The following ENOX1 variants were observed in gnomAD, a reference collection of about 807,000 sequenced individuals.
ENOX1 encodes the protein ecto-NOX disulfide-thiol exchanger 1, also known as candidate growth-related and time keeping constitutive hydroquinone (NADH) oxidase.
In ENOX1, 42 loss-of-function variants were observed where a neutral mutation model predicts 82.5. The ratio of observed to expected loss-of-function variants is 0.51; its 90% CI spans 0.40 to 0.66. The LOEUF (loss-of-function observed/expected upper bound fraction) is 0.66, where lower values mean the gene tolerates loss of function less well. ENOX1 is among the 30% of genes least tolerant of loss of function. The pLI is 0.00. For synonymous variants in ENOX1, 271 were observed against 282.2 expected (o/e 0.96, Z 0.40); for missense variants, 608 against 811.6 (o/e 0.75, Z 3.05).
intron 1 of ENOX1, among the ~76,000 whole-genome samples, chr13:43,673,294 G>C (rs748253228): frequency 2.4e-4 from 36 of 152,064 alleles, no homozygotes; most frequent in Admixed American, 8.5e-4. Flanking sequence ...GATTGATGGA[G>C]GACCCCTTAC....
chr13:43,705,716 T>A (rs1428242297), intron 1 of ENOX1, among the ~76,000 whole-genome samples: 2 of 152,012 alleles, frequency 1.3e-5, no homozygotes, highest in African/African-American at 4.8e-5. Context: ...ATTCACATAG[T>A]TGGAGATTTT....
In ENOX1 at chr13:43,703,869, T is replaced by A. The variant is rs565420557; in HGVS notation, c.-284-36325A>T. Among the ~76,000 whole-genome samples the A allele has an allele frequency of 9.2e-3, 1,397 of 152,064 alleles. 20 individuals are homozygous for A. The highest frequency in any genetic ancestry group is 0.031 in the African/African-American group (1,294 of 41,516). On this transcript the variant is annotated intron_variant, in intron 1 of 16. Coordinates refer to ENST00000690772, the MANE Select transcript of ENOX1 (RefSeq NM_001347969.2). ...TATGTACATTATATATATATTTTTT[T>A]AAAAAACAGCTTTTTGCAATTTATA...
intron 1 of ENOX1, among the ~76,000 whole-genome samples, chr13:43,689,393 A>C (rs1366038874): frequency 2.6e-5 from 4 of 152,234 alleles, no homozygotes; most frequent in Non-Finnish European, 5.9e-5. Context: ...ACAAAACAAA[A>C]ATAAAACGAG....
chr13:43,450,369 G>C (rs1288858676), intron 3 of ENOX1, among the ~76,000 whole-genome samples: 1 of 152,190 alleles, frequency 6.6e-6, no homozygotes, highest in Non-Finnish European at 1.5e-5. Flanking sequence ...AAATGTACCT[G>C]GGGTTTTGGT....
chr13:43,394,253 G>C (rs2052992881), intron 5 of ENOX1, among the ~76,000 whole-genome samples: 1 of 152,154 alleles, frequency 6.6e-6, no homozygotes. Context: ...GAAAAATGAA[G>C]TCTCCTCTTG....
intron 2 of ENOX1, among the ~76,000 whole-genome samples, chr13:43,638,083 G>A (rs2083480779): frequency 6.6e-6 from 1 of 152,158 alleles, no homozygotes; most frequent in Non-Finnish European, 1.5e-5. Context: ...AGAGGATATG[G>A]ACTAGAAAAT....
At chr13:43,264,113 T>C (rs1458581034) in intron 14 of ENOX1, among the ~76,000 whole-genome samples, 1 of 152,220 alleles carries the variant, frequency 6.6e-6, no homozygotes, top group African/African-American at 2.4e-5. Flanking sequence ...TGTAACACCT[T>C]AAGGTTTTCC....
chr13:43,762,130 T>C (rs1229615364), intron 1 of ENOX1, among the ~76,000 whole-genome samples: 2 of 152,090 alleles, frequency 1.3e-5, no homozygotes, highest in Middle Eastern at 3.2e-3. Context: ...AACATCTCGA[T>C]TAAGCGGGAA....
intron 15 of ENOX1, among the ~76,000 whole-genome samples, chr13:43,230,311 GGA>G (rs2042222000): frequency 6.6e-6 from 1 of 152,122 alleles, no homozygotes; most frequent in African/African-American, 2.4e-5. Context: ...GGAGGAGGCT[GGA>G]GAGAGAGGGG....
intron 3 of ENOX1, among the ~76,000 whole-genome samples, chr13:43,427,514 T>G (rs1199962894): frequency 6.6e-6 from 1 of 152,206 alleles, no homozygotes; most frequent in African/African-American, 2.4e-5. Context: ...AGAGTCAGAC[T>G]AGAAGGTTCC....
Position 43,591,469 on chromosome 13 carries a change from GAC to G in ENOX1, c.-219+76008_-219+76009del, listed in dbSNP as rs148199592. 3.1e-3 allele frequency among the ~76,000 whole-genome samples: 468 copies of G among 152,124 alleles called. 2 individuals carry two copies. Among genetic ancestry groups the G allele is most frequent in the Middle Eastern group, 0.017 (5 of 294 alleles). On this transcript the variant is annotated intron_variant, in intron 2 of 16. Transcript: ENST00000690772. ...TCACACATGTAGAATACAACCATAAGACAACATAAAAGGCACAGAAAGGAGGT... is the reference window on the plus strand; with the variant it reads ...TCACACATGTAGAATACAACCATAAGAACATAAAAGGCACAGAAAGGAGGT...
In ENOX1 at chr13:43,327,945, T is replaced by C. The variant is rs372677152; in HGVS notation, c.1037-1420A>G. On this transcript the variant is annotated intron_variant, in intron 9 of 16. Coordinates refer to ENST00000690772, the MANE Select transcript of ENOX1 (RefSeq NM_001347969.2). ...TTTGCTATTAATATTTTTACTATTT[T>C]CCACTTCAGGAGAATCCCAACCCCA... Among the ~76,000 whole-genome samples the C allele has an allele frequency of 2.0e-5, 3 of 152,342 alleles. No individual in the cohort carries two copies. The East Asian group carries it at 5.8e-4, about 29-fold the overall frequency.
At chr13:43,552,347 A>G (rs1283343328) in intron 2 of ENOX1, among the ~76,000 whole-genome samples, 22 of 100,822 alleles carry the variant, frequency 2.2e-4, no homozygotes, top group South Asian at 5.0e-4. Flanking sequence ...GCTCTTAACT[A>G]AAAAAAAAAA....
At chr13:43,617,788 A>G (rs965007300) in intron 2 of ENOX1, among the ~76,000 whole-genome samples, 7 of 152,216 alleles carry the variant, frequency 4.6e-5, no homozygotes, top group Non-Finnish European at 7.3e-5. Flanking sequence ...TAGTTCTTTA[A>G]GGAATCTCCA....
chr13:43,395,649 A>G (rs2153585142), intron 5 of ENOX1, among the ~76,000 whole-genome samples: 1 of 152,352 alleles, frequency 6.6e-6, no homozygotes, highest in East Asian at 1.9e-4. Context: ...ACATATCACA[A>G]TAAATTCTTA....
chr13:43,348,069 G>A (rs1362974585), intron 8 of ENOX1, among the ~76,000 whole-genome samples: 1 of 152,156 alleles, frequency 6.6e-6, no homozygotes, highest in Non-Finnish European at 1.5e-5. Context: ...AAACAGCACG[G>A]CGTGCCTCCC....
At chr13:43,590,158 A>T (rs2081180594) in intron 2 of ENOX1, among the ~76,000 whole-genome samples, 1 of 152,164 alleles carries the variant, frequency 6.6e-6, no homozygotes, top group Non-Finnish European at 1.5e-5. Flanking sequence ...CAAAAAAATA[A>T]CAAAACAGAT....
chr13:43,394,066 G>A (rs1378701355), intron 5 of ENOX1, among the ~76,000 whole-genome samples: 1 of 152,196 alleles, frequency 6.6e-6, no homozygotes, highest in Non-Finnish European at 1.5e-5. Context: ...CACAAGCCTA[G>A]AAGATGCAGG....
chr13:43,626,790 T>G (rs1198215336), intron 2 of ENOX1, among the ~76,000 whole-genome samples: 1 of 151,910 alleles, frequency 6.6e-6, no homozygotes, highest in Non-Finnish European at 1.5e-5. Flanking sequence ...GTTTTATAAA[T>G]GTAAATTTGA....
Sources: gnomAD v4.1 joint callset for allele counts (sites outside exome capture counted in the v4.1 genomes callset) on GRCh38, gnomAD v4.1.1 for gene constraint, MANE v1.5 for transcripts, NCBI Gene and HGNC (gene_info 2026-07-23, HGNC 2026-07-21) for gene names.